PEBP4: variants seen among roughly 807,000 people sequenced by gnomAD.
PEBP4 encodes the protein phosphatidylethanolamine binding protein 4.
Under a neutral mutation model 23.9 loss-of-function variants are expected in PEBP4, and 22 were observed. That is an observed-to-expected ratio of 0.92 (90% CI 0.66 to 1.31). PEBP4 has a LOEUF of 1.31. Ranked by LOEUF, PEBP4 falls within the 40% of genes most tolerant of loss-of-function variation. The pLI is 0.00. For missense variants in PEBP4, 324 were observed against 281.7 expected (o/e 1.15, Z -1.07); for synonymous variants, 112 against 99.3 (o/e 1.13, Z -0.76).
At chr8:22,931,679 G>T (rs1355503233), upstream of PEBP4, among the ~76,000 whole-genome samples, 2 of 152,092 alleles carry the variant, frequency 1.3e-5, no homozygotes, top group Non-Finnish European at 2.9e-5. Flanking sequence ...CGCCTCCTAG[G>T]TTCAAGTGAT....
chr8:22,817,485 C>A, intron 4 of PEBP4, 152 bp downstream of exon 4: 1 of 705,306 alleles, frequency 1.4e-6, no homozygotes, highest in Non-Finnish European at 2.4e-6. Context: ...TGTTGGAAAA[C>A]TTGGGAGGGC....
intron 3 of PEBP4, among the ~76,000 whole-genome samples, chr8:22,914,717 C>T (rs2128779597): frequency 6.6e-6 from 1 of 152,364 alleles, no homozygotes; most frequent in South Asian, 2.1e-4. Flanking sequence ...GCCTTCTCTT[C>T]TGGAGTCAGA....
intron 3 of PEBP4, among the ~76,000 whole-genome samples, chr8:22,861,341 T>G (rs1030971706): frequency 3.3e-5 from 5 of 152,226 alleles, no homozygotes; most frequent in African/African-American, 1.2e-4. Flanking sequence ...CCCAAGTGCT[T>G]TCCATAGACT....
chr8:22,792,027 C>CT lies in PEBP4; in HGVS notation c.357+25609dup, dbSNP rs34005416. On this transcript the variant is annotated intron_variant, in intron 4 of 6. Coordinates refer to ENST00000256404, the MANE Select transcript of PEBP4 (RefSeq NM_144962.3). Reference sequence around the variant, plus strand: ...ACACACCACCACGCCTGGCTAAGAACTTTTTTTTTTTTGTAGAGACAGGGT... The same window carrying CT: ...ACACACCACCACGCCTGGCTAAGAACTTTTTTTTTTTTTGTAGAGACAGGGT... 5.2e-3 allele frequency among the ~76,000 whole-genome samples: 753 copies of CT among 146,190 alleles called. 3 individuals are homozygous for CT. Among genetic ancestry groups the CT allele is most frequent in the Non-Finnish European group, 7.9e-3 (527 of 66,446 alleles).
intron 4 of PEBP4, among the ~76,000 whole-genome samples, chr8:22,761,200 TG>T (rs1400209843): frequency 1.3e-5 from 2 of 152,248 alleles, no homozygotes; most frequent in Non-Finnish European, 2.9e-5. Flanking sequence ...CATCACATCT[TG>T]CAGGTGGGCC....
intron 4 of PEBP4, among the ~76,000 whole-genome samples, chr8:22,732,411 G>A (rs1804757402): frequency 6.6e-6 from 1 of 152,126 alleles, no homozygotes; most frequent in Non-Finnish European, 1.5e-5. Context: ...GCCCATGGTG[G>A]GGGCGTGGGG....
At chr8:22,902,343 CA>C (rs1020656663) in intron 3 of PEBP4, among the ~76,000 whole-genome samples, 4 of 152,094 alleles carry the variant, frequency 2.6e-5, no homozygotes, top group African/African-American at 9.7e-5. Context: ...AAAACAAAAA[CA>C]AAACCTACAT....
chr8:22,790,104 A>G (rs1806109459), intron 4 of PEBP4, among the ~76,000 whole-genome samples: 1 of 152,162 alleles, frequency 6.6e-6, no homozygotes, highest in African/African-American at 2.4e-5. Flanking sequence ...AACCCTCTCT[A>G]AGTCTCAGCA....
Position 22,908,395 on chromosome 8 carries a change from A to AAC in PEBP4, c.258+11788_258+11789insGT, listed in dbSNP as rs551349784. On this transcript the variant is annotated intron_variant, in intron 3 of 6. Transcript: ENST00000256404. ...AAACAAACAAACAAACAAACAAACAAAAAAAAAAACCTGTCTAGGAAGAGG... is the reference window on the plus strand; with the variant it reads ...AAACAAACAAACAAACAAACAAACAAACAAAAAAAAACCTGTCTAGGAAGAGG... Among the ~76,000 whole-genome samples the AAC allele has an allele frequency of 3.3e-3, 432 of 132,246 alleles. 4 individuals are homozygous for AAC. The highest frequency in any genetic ancestry group is 5.6e-3 in the Non-Finnish European group (349 of 62,006). 86.8% of individuals were successfully genotyped at this position (132,246 alleles called of 152,430 possible).
At chr8:22,776,843 C>A (rs557148694) in intron 4 of PEBP4, among the ~76,000 whole-genome samples, 1 of 150,362 alleles carries the variant, frequency 6.7e-6, no homozygotes, top group Non-Finnish European at 1.5e-5. Context: ...TTCAGAGCAG[C>A]GCTGAAGTGA....
chr8:22,882,292 T>C (rs1228073087), intron 3 of PEBP4, among the ~76,000 whole-genome samples: 1 of 152,184 alleles, frequency 6.6e-6, no homozygotes, highest in East Asian at 1.9e-4. Flanking sequence ...TTAGTCCAAC[T>C]CTAGGAAAGT....
At chr8:22,773,308 TA>T (rs1423067860) in intron 4 of PEBP4, among the ~76,000 whole-genome samples, 1 of 152,184 alleles carries the variant, frequency 6.6e-6, no homozygotes, top group Non-Finnish European at 1.5e-5. Context: ...TTACTCTGAT[TA>T]CAGCATATTT....
intron 3 of PEBP4, among the ~76,000 whole-genome samples, chr8:22,831,346 C>T (rs1239843459): frequency 1.3e-5 from 2 of 152,118 alleles, no homozygotes; most frequent in African/African-American, 4.8e-5. Context: ...GAGTATGACC[C>T]CCTTGAAAGT....
chr8:22,788,967 A>G (rs1439958510), intron 4 of PEBP4, among the ~76,000 whole-genome samples: 1 of 152,248 alleles, frequency 6.6e-6, no homozygotes, highest in African/African-American at 2.4e-5. Flanking sequence ...TGCACTAAAA[A>G]TCATGGTTTA....
At chr8:22,809,661 G>A (rs994521222) in intron 4 of PEBP4, among the ~76,000 whole-genome samples, 14 of 152,168 alleles carry the variant, frequency 9.2e-5, no homozygotes, top group Admixed American at 8.5e-4. Flanking sequence ...ACTGCATGAG[G>A]TGCTTATGTA....
chr8:22,723,712 G>A (rs141488452), intron 6 of PEBP4, among the ~76,000 whole-genome samples: 6 of 152,372 alleles, frequency 3.9e-5, no homozygotes, highest in African/African-American at 1.2e-4. Flanking sequence ...CAGATTCACG[G>A]ATTGGCAAGG....
intron 4 of PEBP4, among the ~76,000 whole-genome samples, chr8:22,796,660 G>A (rs921492042): frequency 1.3e-5 from 2 of 152,092 alleles, no homozygotes; most frequent in Non-Finnish European, 2.9e-5. Context: ...AGCCAAAAGG[G>A]GCCTAGATTA....
At chr8:22,803,081 G>A (rs576256268) in intron 4 of PEBP4, among the ~76,000 whole-genome samples, 2 of 152,256 alleles carry the variant, frequency 1.3e-5, no homozygotes, top group African/African-American at 4.8e-5. Flanking sequence ...CCTGTACCGT[G>A]AGACCTCCCT....
intron 4 of PEBP4, among the ~76,000 whole-genome samples, chr8:22,760,824 C>T (rs140228058): frequency 2.6e-5 from 4 of 152,250 alleles, no homozygotes; most frequent in Middle Eastern, 3.4e-3. Flanking sequence ...CCTCAGTCCT[C>T]GTAGGATGAA....
Sources: gnomAD v4.1 joint callset for allele counts (sites outside exome capture counted in the v4.1 genomes callset) on GRCh38, gnomAD v4.1.1 for gene constraint, MANE v1.5 for transcripts, NCBI Gene and HGNC (gene_info 2026-07-23, HGNC 2026-07-21) for gene names.